ZNF365: variants seen among roughly 807,000 people sequenced by gnomAD.
The protein encoded by ZNF365 is zinc finger protein 365, also known as protein ZNF365.
ZNF365 carries 22 observed loss-of-function variants against 35.0 expected under a neutral mutation model. That is an observed-to-expected ratio of 0.63 (90% CI 0.45 to 0.90). The LOEUF (loss-of-function observed/expected upper bound fraction) is 0.90, where lower values mean the gene tolerates loss of function less well. ZNF365 is among the 40% of genes least tolerant of loss of function. The probability of loss-of-function intolerance (pLI) is 0.00; values close to 1 mark genes in which losing one functional copy is unlikely to be tolerated. For missense variants in ZNF365, 448 were observed against 500.3 expected, an observed-to-expected ratio of 0.90 and a Z score of 1.00; for synonymous variants, 188 against 196.2, an observed-to-expected ratio of 0.96 and a Z score of 0.35.
intron 4 of ZNF365, among the ~76,000 whole-genome samples, chr10:62,472,135 C>T (rs1018815172): frequency 6.6e-6 from 1 of 152,172 alleles, no homozygotes; most frequent in African/African-American, 2.4e-5. Context: ...TTACATTTAC[C>T]GTTTTCCAAG....
intron 4 of ZNF365, among the ~76,000 whole-genome samples, chr10:62,479,598 A>G (rs1317744305): frequency 6.6e-6 from 1 of 152,226 alleles, no homozygotes; most frequent in Non-Finnish European, 1.5e-5. Context: ...GGATAAAAAC[A>G]GAGACTGTTC....
At chr10:62,478,607 T>C (rs912736820) in intron 4 of ZNF365, among the ~76,000 whole-genome samples, 19 of 152,342 alleles carry the variant, frequency 1.2e-4, no homozygotes, top group African/African-American at 4.6e-4. Flanking sequence ...GGAGTCTCGC[T>C]CTGTCACCCA....
At chr10:62,458,895 C>A (rs949810854) in intron 3 of ZNF365, among the ~76,000 whole-genome samples, 1 of 152,116 alleles carries the variant, frequency 6.6e-6, no homozygotes, top group Non-Finnish European at 1.5e-5. Context: ...GTTTTTAATA[C>A]TGAACAATCC....
chr10:62,432,174 T>G (rs866307052), intron 3 of ZNF365, among the ~76,000 whole-genome samples: 17 of 152,318 alleles, frequency 1.1e-4, no homozygotes, highest in Middle Eastern at 6.8e-3. Context: ...GCCGTGGCCC[T>G]GTGAACATGG....
intron 2 of ZNF365, among the ~76,000 whole-genome samples, chr10:62,378,263 C>T (rs528592249): frequency 6.6e-6 from 1 of 152,126 alleles, no homozygotes; most frequent in East Asian, 1.9e-4. Context: ...TTACTCTATG[C>T]GTAAAGAAAG....
intron 4 of ZNF365, chr10:62,459,885 C>A: frequency 8.7e-7 from 1 of 1,143,462 alleles, no homozygotes; most frequent in Non-Finnish European, 1.3e-6. Context: ...CTGGAAGGGG[C>A]GCAGCAGGCC....
intron 4 of ZNF365, among the ~76,000 whole-genome samples, chr10:62,473,302 G>A (rs1341176833): frequency 6.6e-6 from 1 of 152,196 alleles, no homozygotes; most frequent in Non-Finnish European, 1.5e-5. Flanking sequence ...AGACAGTAAG[G>A]AACCTGGGCA....
intron 3 of ZNF365, among the ~76,000 whole-genome samples, chr10:62,440,161 T>C (rs908550725): frequency 6.6e-6 from 1 of 152,018 alleles, no homozygotes; most frequent in Non-Finnish European, 1.5e-5. Flanking sequence ...ATAAGCTTTA[T>C]GAATGCATAG....
At chr10:62,458,820 T>C (rs985402995) in intron 3 of ZNF365, among the ~76,000 whole-genome samples, 5 of 152,192 alleles carry the variant, frequency 3.3e-5, no homozygotes, top group Non-Finnish European at 7.3e-5. Flanking sequence ...AGAAAAGATA[T>C]GTTGATTCTA....
chr10:62,452,922 T>C (rs1840706690), intron 3 of ZNF365, among the ~76,000 whole-genome samples: 1 of 152,260 alleles, frequency 6.6e-6, no homozygotes, highest in South Asian at 2.1e-4. Flanking sequence ...TCCATAAATA[T>C]ATTCTTTGCT....
chr10:62,430,108 G>T (rs989342985), intron 3 of ZNF365, among the ~76,000 whole-genome samples: 1 of 152,046 alleles, frequency 6.6e-6, no homozygotes, highest in African/African-American at 2.4e-5. Context: ...ATAATAATAA[G>T]AATTTGAAGA....
At chr10:62,424,383 C>G (rs991904888) in intron 3 of ZNF365, among the ~76,000 whole-genome samples, 1 of 152,170 alleles carries the variant, frequency 6.6e-6, no homozygotes, top group African/African-American at 2.4e-5. Context: ...ACGATGCTCT[C>G]AGGAATCTAT....
intron 3 of ZNF365, among the ~76,000 whole-genome samples, chr10:62,445,463 C>A (rs1039637308): frequency 2.6e-5 from 4 of 152,086 alleles, no homozygotes; most frequent in Non-Finnish European, 4.4e-5. Context: ...TTAATGATTG[C>A]CATTCTAAGC....
chr10:62,416,922 G>A (rs1385005883), intron 3 of ZNF365, among the ~76,000 whole-genome samples: 1 of 151,930 alleles, frequency 6.6e-6, no homozygotes, highest in Non-Finnish European at 1.5e-5. Context: ...ATAATTTAAT[G>A]TACTTCTCCA....
chr10:62,458,768 G>A (rs866688516), intron 3 of ZNF365, among the ~76,000 whole-genome samples: 2 of 151,994 alleles, frequency 1.3e-5, no homozygotes, highest in African/African-American at 2.4e-5. Flanking sequence ...GAGATGATAC[G>A]ATCTGTTACA....
chr10:62,476,333 T>C (rs998360638), intron 4 of ZNF365, among the ~76,000 whole-genome samples: 2 of 152,192 alleles, frequency 1.3e-5, no homozygotes, highest in African/African-American at 4.8e-5. Context: ...GGAGGAAAAG[T>C]GTGCCACAGT....
intron 3 of ZNF365, among the ~76,000 whole-genome samples, chr10:62,457,904 C>A (rs561504726): frequency 1.3e-5 from 2 of 152,164 alleles, no homozygotes; most frequent in Non-Finnish European, 2.9e-5. Context: ...ATGCAAATGA[C>A]TTTCTTTTCA....
downstream of ZNF365, among the ~76,000 whole-genome samples, chr10:62,404,924 A>G (rs887260330): frequency 1.4e-4 from 21 of 152,338 alleles, no homozygotes; most frequent in Middle Eastern, 3.4e-3. Context: ...ACACGCACCC[A>G]TATTTATCCT....
chr10:62,422,012 A>G (rs147950079), intron 3 of ZNF365, among the ~76,000 whole-genome samples: 2 of 152,328 alleles, frequency 1.3e-5, no homozygotes, highest in African/African-American at 4.8e-5. Context: ...TCATTGTCTT[A>G]GTTCAGAGTT....
Sources: allele counts gnomAD v4.1 joint callset (sites outside exome capture counted in the v4.1 genomes callset), GRCh38; gene constraint gnomAD v4.1.1; transcripts MANE v1.5; gene names NCBI Gene and HGNC (gene_info 2026-07-23, HGNC 2026-07-21).